Variants in COQ3 observed in about 807,000 individuals in gnomAD.
COQ3 encodes the protein ubiquinone biosynthesis O-methyltransferase, mitochondrial.
In COQ3, 29 loss-of-function variants were observed where a neutral mutation model predicts 33.1. The ratio of observed to expected loss-of-function variants is 0.88; its 90% CI spans 0.65 to 1.19. The LOEUF (loss-of-function observed/expected upper bound fraction) is 1.19, where lower values mean the gene tolerates loss of function less well. COQ3 is among the 50% of genes most tolerant of loss of function. The pLI is 0.00. For missense variants in COQ3, 437 were observed against 430.7 expected, an observed-to-expected ratio of 1.01 and a Z score of -0.13; for synonymous variants, 173 against 157.8, an observed-to-expected ratio of 1.10 and a Z score of -0.72.
chr6:99,388,525 C>G (rs1259803669), intron 1 of COQ3, among the ~76,000 whole-genome samples: 1 of 150,698 alleles, frequency 6.6e-6, no homozygotes, highest in East Asian at 2.0e-4. Context: ...TTGATAGACA[C>G]AGACATGCTG....
At chr6:99,387,619 A>C (rs1056232880) in intron 1 of COQ3, among the ~76,000 whole-genome samples, 1 of 152,226 alleles carries the variant, frequency 6.6e-6, no homozygotes, top group African/African-American at 2.4e-5. Flanking sequence ...ATAAAAACCT[A>C]TAGCTCACAT....
intron 3 of COQ3, among the ~76,000 whole-genome samples, chr6:99,379,850 C>T (rs1774416399): frequency 6.7e-6 from 1 of 149,310 alleles, no homozygotes. Flanking sequence ...AGCAAGACTC[C>T]ATCTCAAAAA....
chr6:99,369,893 A>G (rs1582711048), intron 6 of COQ3, 73 bp from the exon 7 acceptor site: 1 of 972,010 alleles, frequency 1.0e-6, no homozygotes, highest in Non-Finnish European at 1.6e-6. Flanking sequence ...GTTTCATGCA[A>G]CTTTCTATAT....
intron 1 of COQ3, among the ~76,000 whole-genome samples, chr6:99,391,433 T>C (rs1176700227): frequency 2.6e-5 from 4 of 152,134 alleles, no homozygotes; most frequent in Non-Finnish European, 5.9e-5. Context: ...CAACTCTATC[T>C]GGACTACCTT....
At chr6:99,372,445 T>G (rs1774168059) in intron 5 of COQ3, among the ~76,000 whole-genome samples, 1 of 152,046 alleles carries the variant, frequency 6.6e-6, no homozygotes, top group Non-Finnish European at 1.5e-5. Flanking sequence ...TGAGACACAG[T>G]CTTGCTCTGT....
intron 1 of COQ3, among the ~76,000 whole-genome samples, chr6:99,388,836 G>A (rs372586649): frequency 3.2e-4 from 48 of 151,412 alleles, no homozygotes; most frequent in African/African-American, 1.0e-3. Flanking sequence ...TGACAAGAGC[G>A]AAACTCCATC....
intron 5 of COQ3, among the ~76,000 whole-genome samples, chr6:99,375,663 G>A (rs111323339): frequency 6.6e-6 from 1 of 152,248 alleles, no homozygotes; most frequent in African/African-American, 2.4e-5. Context: ...GGGATTACAG[G>A]CATAAGCCAC....
At chr6:99,384,709 A>G (rs1174946241) in intron 1 of COQ3, among the ~76,000 whole-genome samples, 1 of 152,208 alleles carries the variant, frequency 6.6e-6, no homozygotes, top group Non-Finnish European at 1.5e-5. Flanking sequence ...TTGTTCAATA[A>G]ACATTCAGAC....
intron 1 of COQ3, among the ~76,000 whole-genome samples, chr6:99,387,243 G>A (rs1426787046): frequency 1.3e-5 from 2 of 152,160 alleles, no homozygotes; most frequent in Non-Finnish European, 2.9e-5. Context: ...GAGCCCAGGA[G>A]TTTGAGACAA....
At position 99,377,192 on chromosome 6, in the gene COQ3, T is replaced by A. The variant is rs187225305; in HGVS notation, c.486+194A>T. Among the ~76,000 whole-genome samples the A allele has an allele frequency of 1.8e-3, 274 of 151,804 alleles. 3 individuals are homozygous for A. In the East Asian group the frequency reaches 0.046, roughly 26 times the overall value. On this transcript the variant is annotated intron_variant, in intron 4 of 6. Coordinates refer to ENST00000254759, the MANE Select transcript of COQ3 (RefSeq NM_017421.4). ...ACCTGGCTAATTTTTGTATTTTTAG[T>A]AGAGACAGGGTTTCGCCATGTTGGT...
chr6:99,372,344 G>A (rs1774165898), intron 5 of COQ3, among the ~76,000 whole-genome samples: 1 of 151,936 alleles, frequency 6.6e-6, no homozygotes, highest in Non-Finnish European at 1.5e-5. Context: ...GGTGGAGGTT[G>A]CAGTGATATA....
At chr6:99,390,490 C>T (rs937364420) in intron 1 of COQ3, among the ~76,000 whole-genome samples, 9 of 152,002 alleles carry the variant, frequency 5.9e-5, no homozygotes, top group Non-Finnish European at 8.8e-5. Context: ...CCCGCCACCA[C>T]GCCTGGCTAA....
intron 2 of COQ3, among the ~76,000 whole-genome samples, chr6:99,382,034 G>A (rs766111541): frequency 6.6e-6 from 1 of 151,972 alleles, no homozygotes; most frequent in Non-Finnish European, 1.5e-5. Context: ...TTCTTCATGG[G>A]GCTATGTGAT....
chr6:99,384,098 C>T (rs1298175571), intron 1 of COQ3, among the ~76,000 whole-genome samples: 1 of 151,766 alleles, frequency 6.6e-6, no homozygotes, highest in Non-Finnish European at 1.5e-5. Flanking sequence ...GAGATGGGGT[C>T]TCTCTATGTT....
At chr6:99,376,556 A>G (rs1384875035) in intron 4 of COQ3, among the ~76,000 whole-genome samples, 1 of 152,252 alleles carries the variant, frequency 6.6e-6, no homozygotes, top group African/African-American at 2.4e-5. Context: ...TGAAATATTC[A>G]AATTTTCTAA....
At chr6:99,377,243 CAG>C in intron 4 of COQ3, 141 bp downstream of exon 4, 1 of 671,412 alleles carries the variant, frequency 1.5e-6, no homozygotes, top group South Asian at 1.7e-5. Context: ...CTCCAGACCT[CAG>C]GTGATCCACC....
intron 1 of COQ3, 88 bp from the exon 2 acceptor site, chr6:99,383,912 A>G: frequency 1.8e-6 from 2 of 1,094,672 alleles, no homozygotes; most frequent in Non-Finnish European, 2.5e-6. Flanking sequence ...ATTTTATTTT[A>G]TTATTTATTT....
intron 1 of COQ3, among the ~76,000 whole-genome samples, chr6:99,391,075 T>TTTTATTTA (rs60755408): frequency 0.084 from 11,707 of 139,034 alleles, 520 homozygotes; most frequent in South Asian, 0.14. Flanking sequence ...CTTTTGCTCA[T>TTTTATTTA]TTTATTTATT....
chr6:99,377,281 CTTTTT>C, intron 4 of COQ3, 100 bp downstream of exon 4: 1 of 972,904 alleles, frequency 1.0e-6, no homozygotes, highest in Non-Finnish European at 1.6e-6. Context: ...ACATGCATTT[CTTTTT>C]TTAATGAATA....
Sources: gnomAD v4.1 joint callset for allele counts (sites outside exome capture counted in the v4.1 genomes callset) on GRCh38, gnomAD v4.1.1 for gene constraint, MANE v1.5 for transcripts, NCBI Gene and HGNC (gene_info 2026-07-23, HGNC 2026-07-21) for gene names.